Variants in SNX13 observed in about 807,000 individuals in gnomAD.
SNX13 encodes the protein sorting nexin 13, also known as sorting nexin-13.
A neutral mutation model predicts 133.6 loss-of-function variants in SNX13; 45 were observed. The observed-to-expected ratio is 0.34, with a 90% CI of 0.27 to 0.43. The LOEUF (loss-of-function observed/expected upper bound fraction) is 0.43. SNX13 is among the 20% of genes least tolerant of loss of function. The pLI is 1.00. For missense variants in SNX13, 1,032 were observed against 1,145.1 expected (o/e 0.90, Z 1.43); for synonymous variants, 414 against 373.9 (o/e 1.11, Z -1.24).
At chr7:17,837,130 CTT>C (rs971967748) in intron 13 of SNX13, among the ~76,000 whole-genome samples, 3 of 151,764 alleles carry the variant, frequency 2.0e-5, no homozygotes, top group African/African-American at 7.3e-5. Context: ...GTTAAATAAA[CTT>C]TTTAAAAAAA....
At chr7:17,837,145 A>AT (rs1399695143) in intron 13 of SNX13, among the ~76,000 whole-genome samples, 16 of 151,910 alleles carry the variant, frequency 1.1e-4, no homozygotes, top group African/African-American at 2.7e-4. Flanking sequence ...TAAAAAAAAA[A>AT]TTTTTTAAGA....
chr7:17,928,424 C>T (rs573008656), intron 1 of SNX13, among the ~76,000 whole-genome samples: 5 of 152,144 alleles, frequency 3.3e-5, no homozygotes, highest in Non-Finnish European at 7.3e-5. Flanking sequence ...ATAAGTTATA[C>T]TAACTATTCT....
chr7:17,814,949 C>CAACA lies in SNX13; in HGVS notation c.1954-6_1954-5insTGTT. 8.1e-7 allele frequency: 1 copy of CAACA among 1,240,670 alleles called. No individual in the cohort carries two copies. The allele number at this position is 1,240,670 out of a possible 1,614,324, so 76.9% of individuals were successfully genotyped here. On this transcript the variant is annotated splice_polypyrimidine_tract_variant and splice_region_variant and intron_variant, in intron 19 of 25. Transcript: ENST00000428135. ...CATTTCAGGAGCTAACAGTAACTAA[C>CAACA]AAGAAAAAAAAAAAAAAGAAGAGAT...
At chr7:17,807,381 C>T in intron 20 of SNX13, among the ~76,000 whole-genome samples, 1 of 152,140 alleles carries the variant, frequency 6.6e-6, no homozygotes. Context: ...TGGGCGGAGC[C>T]CACCACAACT....
chr7:17,805,255 G>GTGTGTGTGTGCGCGCT, intron 20 of SNX13, among the ~76,000 whole-genome samples: 1 of 86,764 alleles, frequency 1.2e-5, no homozygotes, highest in Non-Finnish European at 2.8e-5. Flanking sequence ...GTGTGTGCGT[G>GTGTGTGTGTGCGCGCT]CGCGCGCGCG....
chr7:17,830,973 G>C, intron 15 of SNX13: 1 of 984,194 alleles, frequency 1.0e-6, no homozygotes, highest in Non-Finnish European at 1.2e-6. Context: ...CAGCCCTCTG[G>C]TCATAAAAAA....
intron 1 of SNX13, among the ~76,000 whole-genome samples, chr7:17,901,191 T>C (rs1276589222): frequency 6.6e-6 from 1 of 152,040 alleles, no homozygotes; most frequent in African/African-American, 2.4e-5. Flanking sequence ...GGTATCCAAG[T>C]TGCAAAACAG....
chr7:17,922,040 T>C (rs973487069), intron 1 of SNX13, among the ~76,000 whole-genome samples: 15 of 152,224 alleles, frequency 9.9e-5, no homozygotes, highest in African/African-American at 3.6e-4. Context: ...AACCCACTTC[T>C]GTACTCACTT....
intron 1 of SNX13, among the ~76,000 whole-genome samples, chr7:17,932,505 T>G (rs1244766883): frequency 6.6e-6 from 1 of 152,226 alleles, no homozygotes; most frequent in African/African-American, 2.4e-5. Context: ...ATCTTAATTT[T>G]TCTTGAGGAA....
At position 17,792,093 on chromosome 7, in the gene SNX13, T is replaced by C. The variant is rs559564765; in HGVS notation, c.*1952A>G. The C allele has an allele frequency of 6.6e-6, 1 of 152,178 alleles. No homozygotes were observed. Among genetic ancestry groups the C allele is most frequent in the East Asian group, 1.9e-4 (1 of 5,188 alleles). 9.4% of individuals were successfully genotyped at this position (152,178 alleles called of 1,614,324 possible). On this transcript the variant is annotated 3_prime_UTR_variant, in exon 26 of 26. Coordinates refer to ENST00000428135, the MANE Select transcript of SNX13 (RefSeq NM_015132.5). Reference sequence around the variant, plus strand: ...GAAATGCTTTTTCACATGTACACGTTAGGGTCTTACATGAATTATTCTGTA... The same window carrying C: ...GAAATGCTTTTTCACATGTACACGTCAGGGTCTTACATGAATTATTCTGTA...
rs1386195164 is a variant in SNX13, at chr7:17,791,810, T to C, written c.*2235A>G. 3 of 152,094 alleles carry C rather than the reference T, an allele frequency of 2.0e-5. No homozygotes were observed. The highest frequency in any genetic ancestry group is 7.2e-5 in the African/African-American group (3 of 41,454). The allele number at this position is 152,094 out of a possible 1,614,324, so 9.4% of individuals were successfully genotyped here. A position where few individuals can be genotyped will look rare whatever the true frequency, so the allele number is the denominator to read the frequency against. ...TCATTCAAAAAGTTATCTCTAATTTTAGCATGACCACAGCTCTTTCTGATG... is the reference window on the plus strand; with the variant it reads ...TCATTCAAAAAGTTATCTCTAATTTCAGCATGACCACAGCTCTTTCTGATG... On this transcript the variant is annotated 3_prime_UTR_variant, in exon 26 of 26. Coordinates refer to ENST00000428135, the MANE Select transcript of SNX13 (RefSeq NM_015132.5).
At chr7:17,858,451 T>C (rs534242066) in intron 9 of SNX13, among the ~76,000 whole-genome samples, 1 of 152,034 alleles carries the variant, frequency 6.6e-6, no homozygotes, top group East Asian at 1.9e-4. Context: ...GAAAGATACA[T>C]AAACACTAAA....
rs1243461386 is a variant in SNX13 at position 17,875,686 on chromosome 7, TTC to T, written c.543_544del (p.Lys182ArgfsTer2). ...GATATTACCTTTCACTTGATCATCT[TTC>T]TCTGTTATTTTCTGTTGAGCCTTTC... On this transcript the variant is annotated frameshift_variant, in exon 6 of 26. Coordinates refer to ENST00000428135, the MANE Select transcript of SNX13 (RefSeq NM_015132.5). LOFTEE classifies it high-confidence loss of function. 1 of 1,610,378 alleles carries T rather than the reference TTC, an allele frequency of 6.2e-7. No individual in the cohort carries two copies. Among genetic ancestry groups the T allele is most frequent in the Admixed American group, 1.7e-5 (1 of 59,546 alleles).
At chr7:17,852,124 A>G (rs1791285130) in intron 9 of SNX13, among the ~76,000 whole-genome samples, 1 of 152,234 alleles carries the variant, frequency 6.6e-6, no homozygotes, top group African/African-American at 2.4e-5. Context: ...TTGTAATCGC[A>G]GCACTTTGGT....
chr7:17,841,097 G>A (rs764656771), intron 12 of SNX13, among the ~76,000 whole-genome samples: 1 of 152,038 alleles, frequency 6.6e-6, no homozygotes, highest in South Asian at 2.1e-4. Flanking sequence ...TCAAATATTC[G>A]GATCTAGGCT....
At position 17,795,145 on chromosome 7, in the gene SNX13, A is replaced by T. The variant is rs535069564; in HGVS notation, c.2627-853T>A. ...AATTCAAAGTGAAGAAAGCAAAGAAAATAGAAAACCGATGGTGCTGTGACT... is the reference window on the plus strand; with the variant it reads ...AATTCAAAGTGAAGAAAGCAAAGAATATAGAAAACCGATGGTGCTGTGACT... On this transcript the variant is annotated intron_variant, in intron 25 of 25. Transcript: ENST00000428135. 4.6e-5 allele frequency: 7 copies of T among 151,812 alleles called. No individual in the cohort carries two copies. In the East Asian group the frequency reaches 1.4e-3, roughly 29 times the overall value. The allele number at this position is 151,812 out of a possible 1,614,324, so 9.4% of individuals were successfully genotyped here. A position where few individuals can be genotyped will look rare whatever the true frequency, so the allele number is the denominator to read the frequency against.
intron 1 of SNX13, among the ~76,000 whole-genome samples, chr7:17,920,444 G>C (rs1447158863): frequency 6.6e-6 from 1 of 152,104 alleles, no homozygotes; most frequent in Non-Finnish European, 1.5e-5. Flanking sequence ...AGCTCTTAAA[G>C]CCTACACATA....
chr7:17,844,680 T>A (rs1441383712), intron 12 of SNX13, among the ~76,000 whole-genome samples: 2 of 151,536 alleles, frequency 1.3e-5, no homozygotes, highest in South Asian at 2.1e-4. Flanking sequence ...CAGCAGCATA[T>A]TAAAGAAATT....
intron 20 of SNX13, among the ~76,000 whole-genome samples, chr7:17,808,367 C>G (rs10232014): frequency 0.023 from 3,432 of 152,004 alleles, 136 homozygotes; most frequent in African/African-American, 0.077. Context: ...GATTGAAGAT[C>G]AACTTAATGA....
Sources: allele counts gnomAD v4.1 joint callset (sites outside exome capture counted in the v4.1 genomes callset), GRCh38; gene constraint gnomAD v4.1.1; transcripts MANE v1.5; gene names NCBI Gene and HGNC (gene_info 2026-07-23, HGNC 2026-07-21).